The following NXPE2 variants were observed in gnomAD, a reference collection of about 807,000 sequenced individuals.
The protein encoded by NXPE2 is NXPE family member 2.
In NXPE2, 34 loss-of-function variants were observed where a neutral mutation model predicts 34.4. The observed-to-expected ratio is 0.99, with a 90% confidence interval of 0.75 to 1.31. The LOEUF (loss-of-function observed/expected upper bound fraction) is 1.31, where lower values mean the gene tolerates loss of function less well. NXPE2 is among the 40% of genes most tolerant of loss of function. NXPE2 has a pLI of 0.00. For synonymous variants in NXPE2, 235 were observed against 231.3 expected (o/e 1.02, Z -0.15); for missense variants, 649 against 672.5 (o/e 0.97, Z 0.39).
the NXPE2 span, chr11:114,583,995 T>C: frequency 2.7e-6 from 1 of 369,024 alleles, no homozygotes; most frequent in Non-Finnish European, 5.3e-6. Flanking sequence ...ATGTCCAAAG[T>C]AATAGAGATG....
At position 114,679,673 on chromosome 11, in the gene NXPE2, C is replaced by T. The variant is rs375049990; in HGVS notation, c.43C>T (p.Pro15Ser). 2 of 1,547,796 alleles carry T rather than the reference C, an allele frequency of 1.3e-6. No individual in the cohort carries two copies. The highest frequency in any genetic ancestry group is 2.7e-5 in the African/African-American group (2 of 73,012). ...ILIHRILTLF[P>S]NAIARKLLLM... Reference sequence around the variant, plus strand: ...TTCTTATAGGATACTCACTTTGTTTCCAAATGCCATAGCTCGAAAATTACT... The same window carrying T: ...TTCTTATAGGATACTCACTTTGTTTTCAAATGCCATAGCTCGAAAATTACT... The change falls in exon 2 of 6, where the codon CCA becomes TCA. Residue 15 changes from proline (P) to serine (S), a missense_variant. Coordinates refer to ENST00000389586, the MANE Select transcript of NXPE2 (RefSeq NM_182495.6).
chr11:114,601,884 T>TA, the NXPE2 span, among the ~76,000 whole-genome samples: 38 of 15,802 alleles, frequency 2.4e-3, 1 homozygote, highest in Middle Eastern at 0.17. Context: ...TTATATATAA[T>TA]TATATATTAT....
the NXPE2 span, among the ~76,000 whole-genome samples, chr11:114,713,899 A>T: frequency 2.6e-5 from 4 of 152,202 alleles, no homozygotes; most frequent in Admixed American, 6.5e-5. Context: ...CCTGTACAGC[A>T]TGAGTTTTCA....
the NXPE2 span, among the ~76,000 whole-genome samples, chr11:114,626,832 G>T: frequency 6.6e-6 from 1 of 152,072 alleles, no homozygotes; most frequent in African/African-American, 2.4e-5. Context: ...AAAGGAGCTG[G>T]TGGAGCTGAA....
downstream of NXPE2, among the ~76,000 whole-genome samples, chr11:114,710,567 C>A (rs1228535527): frequency 1.7e-4 from 26 of 152,048 alleles, 3 homozygotes; most frequent in Admixed American, 1.7e-3. Context: ...TTTGAACAGA[C>A]CTATAACTGA....
At chr11:114,775,142 G>A in the NXPE2 span, among the ~76,000 whole-genome samples, 1 of 152,174 alleles carries the variant, frequency 6.6e-6, no homozygotes, top group African/African-American at 2.4e-5. Flanking sequence ...AATAGGGGAC[G>A]CTGGGTGCAC....
At chr11:114,794,059 C>T in the NXPE2 span, among the ~76,000 whole-genome samples, 1 of 152,134 alleles carries the variant, frequency 6.6e-6, no homozygotes, top group Non-Finnish European at 1.5e-5. Flanking sequence ...TGCCTCAGCT[C>T]CTTCCCGTGA....
At chr11:114,572,580 T>A in the NXPE2 span, among the ~76,000 whole-genome samples, 1 of 151,834 alleles carries the variant, frequency 6.6e-6, no homozygotes, top group African/African-American at 2.4e-5. Context: ...GCACTGGAAA[T>A]TCTCAGCAAT....
At chr11:114,722,160 G>A in the NXPE2 span, among the ~76,000 whole-genome samples, 4 of 152,056 alleles carry the variant, frequency 2.6e-5, no homozygotes, top group South Asian at 6.2e-4. Context: ...ATCTCATCTC[G>A]AATTGTAATC....
chr11:114,486,496 T>A, the NXPE2 span, among the ~76,000 whole-genome samples: 3 of 152,190 alleles, frequency 2.0e-5, no homozygotes, highest in Non-Finnish European at 4.4e-5. Context: ...AGAGGCTTTA[T>A]AATTTGATAT....
the NXPE2 span, among the ~76,000 whole-genome samples, chr11:114,565,517 C>T: frequency 6.6e-6 from 1 of 152,042 alleles, no homozygotes; most frequent in African/African-American, 2.4e-5. Flanking sequence ...GTGAGTAGAA[C>T]AGGTAAAAAT....
the NXPE2 span, among the ~76,000 whole-genome samples, chr11:114,796,163 T>G: frequency 6.6e-6 from 1 of 152,198 alleles, no homozygotes; most frequent in Non-Finnish European, 1.5e-5. Flanking sequence ...AAAAATAACA[T>G]AAAAGCTTTT....
At chr11:114,748,284 C>G in the NXPE2 span, among the ~76,000 whole-genome samples, 2 of 152,072 alleles carry the variant, frequency 1.3e-5, no homozygotes, top group Admixed American at 6.5e-5. Context: ...TCCTTTGTCC[C>G]CTAGTACATG....
chr11:114,626,522 A>G, the NXPE2 span, among the ~76,000 whole-genome samples: 1 of 152,218 alleles, frequency 6.6e-6, no homozygotes, highest in African/African-American at 2.4e-5. Context: ...ACCCATCTGT[A>G]CATCACCATC....
At chr11:114,520,082 G>A in the NXPE2 span, among the ~76,000 whole-genome samples, 2,012 of 152,170 alleles carry the variant, frequency 0.013, 22 homozygotes, top group South Asian at 0.031. Flanking sequence ...CATTACAGGC[G>A]TAAGCCACCG....
chr11:114,617,683 A>G, the NXPE2 span, among the ~76,000 whole-genome samples: 1 of 152,142 alleles, frequency 6.6e-6, no homozygotes, highest in Non-Finnish European at 1.5e-5. Flanking sequence ...CCCGGTGGAT[A>G]AAAAGTACTG....
chr11:114,606,197 G>A, the NXPE2 span, among the ~76,000 whole-genome samples: 17 of 151,480 alleles, frequency 1.1e-4, no homozygotes, highest in East Asian at 2.2e-3. Flanking sequence ...ACAGTTACCC[G>A]GTGGATAATA....
chr11:114,610,498 TAA>T, the NXPE2 span, among the ~76,000 whole-genome samples: 8 of 152,020 alleles, frequency 5.3e-5, no homozygotes, highest in Admixed American at 2.6e-4. Context: ...CAGTGGATAA[TAA>T]GTGTTGCCTC....
chr11:114,528,121 A>C, the NXPE2 span, among the ~76,000 whole-genome samples: 3 of 152,200 alleles, frequency 2.0e-5, no homozygotes, highest in Admixed American at 6.5e-5. Flanking sequence ...AGCTCTACCG[A>C]TCTGCCACAT....
Sources: allele counts gnomAD v4.1 joint callset (sites outside exome capture counted in the v4.1 genomes callset), GRCh38; gene constraint gnomAD v4.1.1; transcripts MANE v1.5; gene names NCBI Gene and HGNC (gene_info 2026-07-23, HGNC 2026-07-21).